Variants in WDR90 observed in about 807,000 individuals in gnomAD.
WDR90 encodes WD repeat-containing protein 90.
In WDR90, 238 loss-of-function variants were observed where a neutral mutation model predicts 195.2. The ratio of observed to expected loss-of-function variants is 1.22; its 90% CI spans 1.10 to 1.36. The LOEUF (loss-of-function observed/expected upper bound fraction) is 1.36. Among genes scored for constraint, WDR90 ranks in the 40% most tolerant of loss-of-function variants. The probability of loss-of-function intolerance (pLI) is 0.00; values close to 1 mark genes in which losing one functional copy is unlikely to be tolerated. For synonymous variants in WDR90, 1,265 were observed against 1,052.4 expected, an observed-to-expected ratio of 1.20 and a Z score of -3.91; for missense variants, 2,734 against 2,439.5, an observed-to-expected ratio of 1.12 and a Z score of -2.54.
chr16:667,311 C>T (rs1175024930), intron 40 of WDR90, 121 bp from the exon 41 acceptor site: 1 of 1,366,812 alleles, frequency 7.3e-7, no homozygotes, highest in Non-Finnish European at 9.8e-7. Flanking sequence ...GCCAGGAGCC[C>T]TTTTAGCACC....
chr16:667,271 C>G (rs552375360), intron 40 of WDR90, among the ~76,000 whole-genome samples, 161 bp from the exon 41 acceptor site: 2 of 152,200 alleles, frequency 1.3e-5, no homozygotes, highest in Admixed American at 6.5e-5. Context: ...GTGATGGACC[C>G]CCTAGTCCCA....
In WDR90 at chr16:650,897, G is replaced by A. The variant is rs545475355; in HGVS notation, c.560-98G>A. Reference sequence around the variant, plus strand: ...CCCAGAGGCAGCCCTGGGGTGGGGCGGTGGCTGGGCTGGTGGCGTGGCAGT... The same window carrying A: ...CCCAGAGGCAGCCCTGGGGTGGGGCAGTGGCTGGGCTGGTGGCGTGGCAGT... On this transcript the variant is annotated intron_variant, in intron 5 of 40. Coordinates refer to ENST00000293879, the MANE Select transcript of WDR90 (RefSeq NM_145294.5). 4.1e-5 allele frequency: 61 copies of A among 1,500,286 alleles called. No homozygotes were observed. In the East Asian group the frequency reaches 1.1e-3, roughly 27 times the overall value. 92.9% of individuals were successfully genotyped at this position (1,500,286 alleles called of 1,614,324 possible). A position where few individuals can be genotyped will look rare whatever the true frequency, so the allele number is the denominator to read the frequency against.
chr16:650,979 A>T lies in WDR90; in HGVS notation c.560-16A>T, dbSNP rs769477648. ...AAACAGCCTCCCTTGACCTGGAACA[A>T]CCCTGCTCCTTGTAGCCATCTCTGG... On this transcript the variant is annotated splice_polypyrimidine_tract_variant and intron_variant, in intron 5 of 40. Coordinates refer to ENST00000293879, the MANE Select transcript of WDR90 (RefSeq NM_145294.5). The T allele has an allele frequency of 6.2e-7, 1 of 1,612,454 alleles. No individual in the cohort carries two copies. The highest frequency in any genetic ancestry group is 8.5e-7 in the Non-Finnish European group (1 of 1,179,680).
intron 21 of WDR90, 114 bp downstream of exon 21, chr16:658,006 C>A: frequency 1.1e-5 from 16 of 1,456,338 alleles, no homozygotes; most frequent in Non-Finnish European, 1.5e-5. Context: ...GTCCCGCCTC[C>A]TGTCGCAGAG....
rs1425950194 is a variant in WDR90 at position 662,828 on chromosome 16, G to C, written c.4295G>C (p.Ser1432Thr). The C allele has an allele frequency of 6.4e-7, 1 of 1,572,652 alleles. No individual in the cohort carries two copies. The highest frequency in any genetic ancestry group is 1.8e-5 in the Admixed American group (1 of 54,132). ...WAEGTSTRLI[S>T]GHRSKVNEVV... ...GAGGGCACCAGCACACGTCTCATCA[G>C]TGGCCACAGGAGCAAGGTGAGGGAC... The change falls in exon 34 of 41, where the codon AGT (serine) becomes ACT (threonine). Residue 1432 changes from serine (S) to threonine (T), a missense_variant. Physicochemically the swap from Ser to Thr is moderately conservative, Grantham distance 58 (BLOSUM62 1). Coordinates refer to ENST00000293879, the MANE Select transcript of WDR90 (RefSeq NM_145294.5).
chr16:653,120 G>A (rs938059785), intron 10 of WDR90, among the ~76,000 whole-genome samples: 2 of 152,212 alleles, frequency 1.3e-5, no homozygotes, highest in Non-Finnish European at 2.9e-5. Context: ...CTGCTTGAGT[G>A]TTCCAGCTGT....
chr16:658,126 G>A, intron 21 of WDR90, 57 bp from the exon 22 acceptor site: 2 of 1,565,962 alleles, frequency 1.3e-6, no homozygotes, highest in Non-Finnish European at 1.7e-6. Context: ...CCTGACCCTG[G>A]GTGGCACCGG....
rs2037828854 is a variant in WDR90, at chr16:659,010, A to G, written c.3010A>G (p.Ser1004Gly). 1.2e-6 allele frequency: 2 copies of G among 1,613,046 alleles called. No individual in the cohort carries two copies. The highest frequency in any genetic ancestry group is 8.5e-7 in the Non-Finnish European group (1 of 1,179,890). ...FLWDVLAPTE[S>G]DQSFPGAPPA... ...CTGGGATGTCCTGGCCCCTACTGAG[A>G]GGCAAGTGCCTACTCTCAGCTGTGT... is the stretch of plus-strand genomic sequence containing the variant. The change falls in exon 24 of 41, where the codon AGC becomes GGC. Residue 1004 changes from serine to glycine, a missense_variant and splice_region_variant. Physicochemically the swap from Ser to Gly is moderately conservative, Grantham distance 56. Transcript: ENST00000293879.
chr16:653,229 A>G (rs2037680826), intron 10 of WDR90, 112 bp from the exon 11 acceptor site: 3 of 868,344 alleles, frequency 3.5e-6, no homozygotes, highest in Non-Finnish European at 5.1e-6. Context: ...TGTGTGTGCC[A>G]GGCCTGCCAC....
In WDR90 at chr16:667,681, C is replaced by T. The variant is rs974791401; in HGVS notation, c.*92C>T. The stretch of plus-strand genomic sequence containing the variant: ...GCAGAGGCGCCAGGTTGTCAATGGC[C>T]TCATGCTGGGACAGGCCAGGATTCA... On this transcript the variant is annotated 3_prime_UTR_variant, in exon 41 of 41. Coordinates refer to ENST00000293879, the MANE Select transcript of WDR90 (RefSeq NM_145294.5). The T allele has an allele frequency of 4.5e-6, 7 of 1,559,334 alleles. No individual in the cohort carries two copies. Among genetic ancestry groups the T allele is most frequent in the Non-Finnish European group, 6.1e-6 (7 of 1,154,434 alleles).
intron 13 of WDR90, chr16:654,627 T>C (rs1019670060): frequency 4.6e-5 from 8 of 174,958 alleles, no homozygotes; most frequent in Admixed American, 1.1e-4. Context: ...TTTTTTAACT[T>C]TTTGTAGAGA....
rs1436319771 is a variant in WDR90, at chr16:665,688, G to A, written c.4321G>A (p.Val1441Met). 6.2e-7 allele frequency: 1 copy of A among 1,612,572 alleles called. No individual in the cohort carries two copies. Among genetic ancestry groups the A allele is most frequent in the African/African-American group, 1.3e-5 (1 of 74,952 alleles). The change falls in exon 35 of 41, where the codon GTG becomes ATG. Residue 1441 changes from valine (V) to methionine (M), a missense_variant. Transcript: ENST00000293879. ...CTACGGCTTCCCCCAGGTGAACGAG[G>A]TGGTCTTCAGCCCCGGGGAGTCCCA... ...ISGHRSKVNEVVFSPGESHCA... is the reference protein window; with the variant it reads ...ISGHRSKVNEMVFSPGESHCA...
chr16:660,735 C>T (rs2037878443), intron 28 of WDR90, 21 bp downstream of exon 28: 2 of 1,535,716 alleles, frequency 1.3e-6, no homozygotes, highest in East Asian at 4.9e-5. Context: ...AGAGCCTACC[C>T]CCACCCCCAG....
rs2037750704 is a variant in WDR90, at chr16:656,250, G to A, written c.1967-52G>A. 7.8e-6 allele frequency: 12 copies of A among 1,530,866 alleles called. No homozygotes were observed. In the East Asian group the frequency reaches 2.8e-4, roughly 35 times the overall value. The allele number at this position is 1,530,866 out of a possible 1,614,324, so 94.8% of individuals were successfully genotyped here. A position where few individuals can be genotyped will look rare whatever the true frequency, so the allele number is the denominator to read the frequency against. ...TGTCGGGGACCCGAAGCCTGAGCAT[G>A]CGGCTCACCCCGGGGTGGCCCTGGA... On this transcript the variant is annotated intron_variant, in intron 17 of 40. Transcript: ENST00000293879.
chr16:654,082 A>T (rs905331507), intron 13 of WDR90: 3 of 477,332 alleles, frequency 6.3e-6, no homozygotes, highest in Non-Finnish European at 1.1e-5. Context: ...TCTGCTGGTG[A>T]TGCGGTTGTA....
rs375005519 is a variant in WDR90, at chr16:652,508, C to A, written c.1095C>A (p.Ile365=). 1.9e-6 allele frequency: 3 copies of A among 1,610,262 alleles called. No homozygotes were observed. The highest frequency in any genetic ancestry group is 1.3e-5 in the African/African-American group (1 of 74,848). Residue 365 remains isoleucine, a synonymous_variant, in exon 10 of 41, where the codon ATC becomes ATA. Coordinates refer to ENST00000293879, the MANE Select transcript of WDR90 (RefSeq NM_145294.5). ...CAGTCCTGAGGCTCAAGGGCGTCAT[C>A]GGCTTTGGGGGCCACGGCACCAGAC... The part of the protein sequence containing the change: ...PDPVLRLKGV[I]GFGGHGTRQA...
intron 12 of WDR90, 28 bp downstream of exon 12, chr16:653,698 G>T (rs773462937): frequency 6.2e-7 from 1 of 1,613,220 alleles, no homozygotes; most frequent in South Asian, 1.1e-5. Context: ...CCATGCAGGG[G>T]GAGGGGGTCA....
intron 5 of WDR90, 138 bp downstream of exon 5, chr16:650,847 A>G: frequency 6.8e-7 from 1 of 1,469,388 alleles, no homozygotes; most frequent in South Asian, 1.3e-5. Context: ...CCCATCCCAG[A>G]GGCAGCCCTG....
chr16:652,279 T>C lies in WDR90; in HGVS notation c.1054-188T>C. ...GCCCCAGGTGGTCTGTGGGGGACCC[T>C]CGAAGGTCTGGCAGTGCAACTGGAG... On this transcript the variant is annotated intron_variant, in intron 9 of 40. Transcript: ENST00000293879. 3 of 815,990 alleles carry C rather than the reference T, an allele frequency of 3.7e-6. No homozygotes were observed. The South Asian group carries it at 5.5e-5, about 15-fold the overall frequency. 50.5% of individuals were successfully genotyped at this position (815,990 alleles called of 1,614,324 possible). A position where few individuals can be genotyped will look rare whatever the true frequency, so the allele number is the denominator to read the frequency against.
Sources: gnomAD v4.1 joint callset for allele counts (sites outside exome capture counted in the v4.1 genomes callset) on GRCh38, gnomAD v4.1.1 for gene constraint, MANE v1.5 for transcripts, NCBI Gene and HGNC (gene_info 2026-07-23, HGNC 2026-07-21) for gene names.